TMEM144: variants seen among roughly 807,000 people sequenced by gnomAD.
TMEM144 encodes transmembrane protein 144.
TMEM144 carries 39 observed loss-of-function variants against 43.6 expected under a neutral mutation model. The ratio of observed to expected loss-of-function variants is 0.90; its 90% confidence interval spans 0.69 to 1.17. The LOEUF (loss-of-function observed/expected upper bound fraction) is 1.17, where lower values mean the gene tolerates loss of function less well. Ranked by LOEUF, TMEM144 falls within the 50% of genes most tolerant of loss-of-function variation. The pLI is 0.00. For synonymous variants in TMEM144, 154 were observed against 133.6 expected (o/e 1.15, Z -1.06); for missense variants, 417 against 411.9 (o/e 1.01, Z -0.11).
intron 6 of TMEM144, among the ~76,000 whole-genome samples, chr4:158,226,294 A>G (rs772934590): frequency 6.6e-6 from 1 of 152,220 alleles, no homozygotes; most frequent in Non-Finnish European, 1.5e-5. Context: ...TCCAATTTTT[A>G]ATGTTTGAGC....
At position 158,253,618 on chromosome 4, in the gene TMEM144, A is replaced by T; in HGVS notation, c.*91A>T. The T allele has an allele frequency of 9.8e-7, 1 of 1,017,954 alleles. No individual in the cohort carries two copies. Among genetic ancestry groups the T allele is most frequent in the Non-Finnish European group, 1.5e-6 (1 of 674,618 alleles). 63.1% of individuals were successfully genotyped at this position (1,017,954 alleles called of 1,614,324 possible). ...CATGCTGAGAAAAGAGTGCATTTTC[A>T]TATAGCAAATGGATCTCAGCCACTG... On this transcript the variant is annotated 3_prime_UTR_variant, in exon 13 of 13. Coordinates refer to ENST00000296529, the MANE Select transcript of TMEM144 (RefSeq NM_018342.5).
chr4:158,237,506 G>T lies in TMEM144; in HGVS notation c.564-19G>T. On this transcript the variant is annotated intron_variant, in intron 8 of 12. Transcript: ENST00000296529. ...ACTGCTTTGAGCCAAGATTAATAGT[G>T]ATTTATTTGTTTTGTAAGGGGCTGC... is the stretch of plus-strand genomic sequence containing the variant. 6.4e-7 allele frequency: 1 copy of T among 1,569,352 alleles called. No homozygotes were observed. Among genetic ancestry groups the T allele is most frequent in the Non-Finnish European group, 8.7e-7 (1 of 1,143,848 alleles).
chr4:158,218,423 T>C (rs1007691522), intron 5 of TMEM144, among the ~76,000 whole-genome samples: 4 of 152,122 alleles, frequency 2.6e-5, no homozygotes, highest in African/African-American at 9.7e-5. Flanking sequence ...TATAACCACC[T>C]CAAAACAACA....
intron 6 of TMEM144, among the ~76,000 whole-genome samples, chr4:158,222,160 G>A (rs545056540): frequency 1.3e-5 from 2 of 152,144 alleles, no homozygotes; most frequent in African/African-American, 4.8e-5. Context: ...ACATGTGATT[G>A]TAAAAAATCT....
intron 12 of TMEM144, among the ~76,000 whole-genome samples, chr4:158,250,658 G>A (rs1736156327): frequency 6.6e-6 from 1 of 152,126 alleles, no homozygotes; most frequent in South Asian, 2.1e-4. Flanking sequence ...GGGGAAATGA[G>A]TCTCCCTAAG....
intron 12 of TMEM144, among the ~76,000 whole-genome samples, chr4:158,251,855 T>C (rs1311128821): frequency 6.6e-6 from 1 of 152,166 alleles, no homozygotes; most frequent in Non-Finnish European, 1.5e-5. Context: ...GCACTCCACT[T>C]TCTTGAGTGT....
In TMEM144 at chr4:158,237,532, A is replaced by C; in HGVS notation, c.571A>C (p.Ser191Arg). 1.5e-5 allele frequency: 24 copies of C among 1,610,762 alleles called. No individual in the cohort carries two copies. The highest frequency in any genetic ancestry group is 2.0e-5 in the Non-Finnish European group (23 of 1,178,020). ...STVHHRIVGC[S>R]LAVISGVLYG... is the part of the protein sequence containing the mutation. ...ATTTATTTGTTTTGTAAGGGGCTGC[A>C]GTCTTGCAGTGATATCTGGAGTACT... Residue 191 changes from serine (S) to arginine (R), a missense_variant, in exon 9 of 13, where the codon AGT becomes CGT. Ser to Arg is a moderately radical substitution (Grantham distance 110). Coordinates refer to ENST00000296529, the MANE Select transcript of TMEM144 (RefSeq NM_018342.5).
intron 12 of TMEM144, among the ~76,000 whole-genome samples, chr4:158,253,138 A>T (rs1056547903): frequency 6.6e-6 from 1 of 152,170 alleles, no homozygotes; most frequent in African/African-American, 2.4e-5. Context: ...GGTTTGCTTT[A>T]TTATTAACAC....
chr4:158,236,491 G>T (rs1355928416), intron 8 of TMEM144, among the ~76,000 whole-genome samples: 1 of 152,092 alleles, frequency 6.6e-6, no homozygotes, highest in Non-Finnish European at 1.5e-5. Flanking sequence ...GACGCTCCAC[G>T]GCTATGAAGT....
intron 6 of TMEM144, among the ~76,000 whole-genome samples, chr4:158,231,791 G>A (rs1307120523): frequency 6.6e-6 from 1 of 152,108 alleles, no homozygotes; most frequent in African/African-American, 2.4e-5. Flanking sequence ...TGTTGAGATA[G>A]GTTGGATGGA....
At chr4:158,225,299 C>T (rs932233100) in intron 6 of TMEM144, among the ~76,000 whole-genome samples, 1 of 152,094 alleles carries the variant, frequency 6.6e-6, no homozygotes, top group Non-Finnish European at 1.5e-5. Context: ...TTTTCTGACA[C>T]GTAGGGTGTA....
intron 6 of TMEM144, among the ~76,000 whole-genome samples, chr4:158,220,701 C>T (rs1734467149): frequency 6.6e-6 from 1 of 152,202 alleles, no homozygotes; most frequent in South Asian, 2.1e-4. Context: ...TAATGCTCTA[C>T]ATATTAGTTG....
In TMEM144 at chr4:158,240,306, C is replaced by G. The variant is rs775233101; in HGVS notation, c.690C>G (p.Asp230Glu). 4.3e-6 allele frequency: 7 copies of G among 1,610,606 alleles called. No individual in the cohort carries two copies. The highest frequency in any genetic ancestry group is 5.9e-6 in the Non-Finnish European group (7 of 1,178,960). The change falls in exon 10 of 13, where the codon GAC becomes GAG. Residue 230 changes from aspartate (D) to glutamate (E), a missense_variant. Physicochemically the swap from Asp to Glu is conservative, Grantham distance 45. Coordinates refer to ENST00000296529, the MANE Select transcript of TMEM144 (RefSeq NM_018342.5). ...IYAGASQYDL[D>E]YVFAHFSGIF... is the part of the protein sequence containing the mutation. Reference sequence around the variant, plus strand: ...TTTAATGTCTATTTTCAGATTTAGACTATGTGTTTGCGCACTTCAGTGGCA... The same window carrying G: ...TTTAATGTCTATTTTCAGATTTAGAGTATGTGTTTGCGCACTTCAGTGGCA...
chr4:158,212,505 G>A, intron 2 of TMEM144, 103 bp from the exon 3 acceptor site: 1 of 524,130 alleles, frequency 1.9e-6, no homozygotes, highest in Admixed American at 3.6e-5. Context: ...TCTGCAAAAA[G>A]GAGTCTTAGC....
chr4:158,250,878 C>T (rs1044106759), intron 12 of TMEM144, among the ~76,000 whole-genome samples: 2 of 152,192 alleles, frequency 1.3e-5, no homozygotes, highest in African/African-American at 4.8e-5. Context: ...ATTCCCACTA[C>T]CTTTCCTGAA....
chr4:158,244,393 G>C (rs530459032), intron 12 of TMEM144, 44 bp downstream of exon 12: 1 of 1,530,556 alleles, frequency 6.5e-7, no homozygotes, highest in Non-Finnish European at 9.0e-7. Context: ...GAATGGGGTA[G>C]GCCGGGCGTG....
intron 6 of TMEM144, among the ~76,000 whole-genome samples, chr4:158,221,995 C>G (rs1734531430): frequency 6.6e-6 from 1 of 152,202 alleles, no homozygotes; most frequent in South Asian, 2.1e-4. Context: ...TGAGTTCTCT[C>G]TCTCCATAGA....
Position 158,253,480 on chromosome 4 carries a change from T to C in TMEM144, c.991T>C (p.Cys331Arg). 6.2e-7 allele frequency: 1 copy of C among 1,613,890 alleles called. No individual in the cohort carries two copies. The highest frequency in any genetic ancestry group is 8.5e-7 in the Non-Finnish European group (1 of 1,179,888). The change falls in exon 13 of 13, where the codon TGC becomes CGC. Residue 331 changes from cysteine (C) to arginine (R), a missense_variant. Cys to Arg is a radical substitution (Grantham distance 180). Coordinates refer to ENST00000296529, the MANE Select transcript of TMEM144 (RefSeq NM_018342.5). ...QNYLLMILAF[C>R]IILTGALCTA... ...CTACCTATTAATGATACTTGCATTT[T>C]GCATCATCTTGACTGGAGCCTTATG...
rs770685360 is a variant in TMEM144, at chr4:158,219,386, G to T, written c.409G>T (p.Val137Leu). 1.2e-6 allele frequency: 2 copies of T among 1,613,648 alleles called. No homozygotes were observed. The highest frequency in any genetic ancestry group is 1.1e-5 in the South Asian group (1 of 91,046). Residue 137 changes from valine to leucine, a missense_variant, in exon 6 of 13, where the codon GTA becomes TTA. Physicochemically the swap from Val to Leu is conservative, Grantham distance 32. Coordinates refer to ENST00000296529, the MANE Select transcript of TMEM144 (RefSeq NM_018342.5). ...LNYIGAGLSV[V>L]SAFIFLFIKS... ...TTACATTGGAGCTGGGCTATCAGTAGTAAGGTACACAGTCATTTCTAGTGA... is the reference window on the plus strand; with the variant it reads ...TTACATTGGAGCTGGGCTATCAGTATTAAGGTACACAGTCATTTCTAGTGA...
Sources: gnomAD v4.1 joint callset for allele counts (sites outside exome capture counted in the v4.1 genomes callset) on GRCh38, gnomAD v4.1.1 for gene constraint, MANE v1.5 for transcripts, NCBI Gene and HGNC (gene_info 2026-07-23, HGNC 2026-07-21) for gene names.